ATP8B3: variants seen among roughly 807,000 people sequenced by gnomAD.
ATP8B3 encodes the protein ATPase phospholipid transporting 8B3.
ATP8B3 carries 141 observed loss-of-function variants against 140.9 expected under a neutral mutation model. That is an observed-to-expected ratio of 1.00 (90% CI 0.87 to 1.15). The LOEUF (loss-of-function observed/expected upper bound fraction) is 1.15. Ranked by LOEUF, ATP8B3 falls within the 50% of genes most tolerant of loss-of-function variation. ATP8B3 has a pLI of 0.00. For synonymous variants in ATP8B3, 765 were observed against 714.6 expected (o/e 1.07, Z -1.13); for missense variants, 1,874 against 1,740.6 (o/e 1.08, Z -1.36).
intron 14 of ATP8B3, among the ~76,000 whole-genome samples, chr19:1,797,419 C>T (rs1239629975): frequency 6.6e-6 from 1 of 152,088 alleles, no homozygotes; most frequent in South Asian, 2.1e-4. Flanking sequence ...CAGCCCCATC[C>T]GTGGGACACA....
rs1280072229 is a variant in ATP8B3 at position 1,805,263 on chromosome 19, C to G, written c.904+111G>C. 2.7e-6 allele frequency: 3 copies of G among 1,101,982 alleles called. No individual in the cohort carries two copies. In the Admixed American group the frequency reaches 6.0e-5, roughly 22 times the overall value. The allele number at this position is 1,101,982 out of a possible 1,614,324, so 68.3% of individuals were successfully genotyped here. A position where few individuals can be genotyped will look rare whatever the true frequency, so the allele number is the denominator to read the frequency against. Reference sequence around the variant, plus strand: ...GTGCTGGGATTCCAGGTGTGAGCCACTGGGCCTGGCCAGCACCTTGTTTTA... The same window carrying G: ...GTGCTGGGATTCCAGGTGTGAGCCAGTGGGCCTGGCCAGCACCTTGTTTTA... On this transcript the variant is annotated intron_variant, in intron 10 of 28. Transcript: ENST00000310127. This position sits in a 1 kb window ranked among gnomAD's most constrained non-coding sequence, Gnocchi z 5.2.
Position 1,806,249 on chromosome 19 carries a change from A to AC in ATP8B3, c.678-81dup. 6.5e-7 allele frequency: 1 copy of AC among 1,534,992 alleles called. No individual in the cohort carries two copies. Among genetic ancestry groups the AC allele is most frequent in the Non-Finnish European group, 8.7e-7 (1 of 1,143,336 alleles). ...ACCGGGAGACCAGAGGCACGGGATG[A>AC]CGGGGGGCCCGCAGCTGCAGTCCCC... On this transcript the variant is annotated intron_variant, in intron 7 of 28. Transcript: ENST00000310127. The surrounding 1 kb of genome is among the most constrained non-coding windows in gnomAD (Gnocchi z 5.6).
rs1334979847 is a variant in ATP8B3 at position 1,785,852 on chromosome 19, C to G, written c.3154-144G>C. On this transcript the variant is annotated intron_variant, in intron 25 of 28. Coordinates refer to ENST00000310127, the MANE Select transcript of ATP8B3 (RefSeq NM_138813.4). ...TAAGTGAGTTAAAATAAAGTAAGGC[C>G]AGGCACGGTGGCACACGCCTGTAAT... The G allele has an allele frequency of 3.6e-5, 34 of 944,462 alleles. No homozygotes were observed. The Admixed American group carries it at 9.3e-4, about 26-fold the overall frequency. The allele number at this position is 944,462 out of a possible 1,614,324, so 58.5% of individuals were successfully genotyped here.
intron 28 of ATP8B3, among the ~76,000 whole-genome samples, chr19:1,784,501 C>G (rs1472934330): frequency 6.6e-6 from 1 of 152,098 alleles, no homozygotes; most frequent in Non-Finnish European, 1.5e-5. Flanking sequence ...GGTGACAGCA[C>G]AAGACCCTTC....
intron 14 of ATP8B3, among the ~76,000 whole-genome samples, chr19:1,798,415 T>C (rs2145192851): frequency 6.6e-6 from 1 of 151,890 alleles, no homozygotes; most frequent in South Asian, 2.1e-4. Context: ...TTTTTAATGG[T>C]CAGGAAAAAA....
intron 24 of ATP8B3, among the ~76,000 whole-genome samples, 185 bp downstream of exon 24, chr19:1,788,712 G>A (rs530274872): frequency 2.1e-3 from 323 of 152,294 alleles, no homozygotes; most frequent in African/African-American, 6.5e-3. Flanking sequence ...GACAGGGACC[G>A]TCACCTCCCT....
Position 1,800,428 on chromosome 19 carries a change from C to A in ATP8B3, c.1174G>T (p.Val392Phe). The change falls in exon 13 of 29, where the codon GTC (valine) becomes TTC (phenylalanine). Residue 392 changes from valine to phenylalanine, a missense_variant. Physicochemically the swap from Val to Phe is conservative, Grantham distance 50 (BLOSUM62 -1). Around this residue, in one of 3 missense-constraint regions of ATP8B3, gnomAD observed 1,032 missense variants for 963.6 expected, o/e 1.07. Transcript: ENST00000310127. The surrounding 1 kb of genome is among the most constrained non-coding windows in gnomAD (Gnocchi z 4.4). ...AAGCCGAAGGCCAACACCAGGCAGACAAGCACCACGGAGATGAAGATCTGG... is the reference window on the plus strand; with the variant it reads ...AAGCCGAAGGCCAACACCAGGCAGAAAAGCACCACGGAGATGAAGATCTGG... ...VVVIFISVVL[V>F]CLVLAFGFGF... 1 of 1,585,390 alleles carries A rather than the reference C, an allele frequency of 6.3e-7. No homozygotes were observed. Among genetic ancestry groups the A allele is most frequent in the African/African-American group, 1.3e-5 (1 of 74,270 alleles).
chr19:1,808,582 G>A (rs1301907344), intron 4 of ATP8B3, among the ~76,000 whole-genome samples: 5 of 152,148 alleles, frequency 3.3e-5, no homozygotes, highest in Non-Finnish European at 5.9e-5. Flanking sequence ...CTGAGCACCT[G>A]CTGAATGCAA....
rs893579582 is a variant in ATP8B3, at chr19:1,790,747, C to T, written c.2378+10G>A. ...TCCCCTTGCTCACCCCCCAACTCCC[C>T]ACTTCTTACCTAATCTCCTTCTCCT... On this transcript the variant is annotated intron_variant, in intron 21 of 28. Coordinates refer to ENST00000310127, the MANE Select transcript of ATP8B3 (RefSeq NM_138813.4). 11 of 1,594,502 alleles carry T rather than the reference C, an allele frequency of 6.9e-6. No individual in the cohort carries two copies. The highest frequency in any genetic ancestry group is 9.4e-6 in the Non-Finnish European group (11 of 1,172,146).
At chr19:1,793,540 CCCT>C (rs889457522) in intron 18 of ATP8B3, among the ~76,000 whole-genome samples, 2 of 152,164 alleles carry the variant, frequency 1.3e-5, no homozygotes, top group African/African-American at 4.8e-5. Context: ...TTCCTTGGGC[CCCT>C]CATTTCTCAA....
At chr19:1,808,166 C>T in intron 5 of ATP8B3, 56 bp downstream of exon 5, 2 of 1,403,474 alleles carry the variant, frequency 1.4e-6, no homozygotes, top group Non-Finnish European at 2.0e-6. Flanking sequence ...CAGACAAACA[C>T]ATCGATGCTG....
intron 12 of ATP8B3, among the ~76,000 whole-genome samples, chr19:1,801,744 C>T (rs552899936): frequency 1.1e-4 from 17 of 152,038 alleles, no homozygotes; most frequent in African/African-American, 4.1e-4. Flanking sequence ...GAGTGAGACT[C>T]CATCTCTAAA....
Position 1,803,684 on chromosome 19 carries a change from G to A in ATP8B3, c.905-1039C>T, listed in dbSNP as rs146599609. Among the ~76,000 whole-genome samples the A allele has an allele frequency of 7.0e-3, 1,060 of 152,230 alleles. 5 individuals are homozygous for A. The highest frequency in any genetic ancestry group is 0.014 in the Middle Eastern group (4 of 294). On this transcript the variant is annotated intron_variant, in intron 10 of 28. Transcript: ENST00000310127. Reference sequence around the variant, plus strand: ...GGCCGAGGCGGGTGGATCACCTGAGGTCAGGAGTTCGAGACCAGCCTCACC... The same window carrying A: ...GGCCGAGGCGGGTGGATCACCTGAGATCAGGAGTTCGAGACCAGCCTCACC...
Position 1,807,141 on chromosome 19 carries a change from C to T in ATP8B3, c.615+27G>A, listed in dbSNP as rs373801615. ...CCCCGACCGGCCCCGCTCCCTCCCC[C>T]AGGCAGCTGCATCCAACAGCACTCA... On this transcript the variant is annotated intron_variant, in intron 6 of 28. Transcript: ENST00000310127. This position sits in a 1 kb window ranked among gnomAD's most constrained non-coding sequence, Gnocchi z 5.9. The T allele has an allele frequency of 2.7e-4, 425 of 1,596,614 alleles. No individual in the cohort carries two copies. The African/African-American group carries it at 5.2e-3, about 19-fold the overall frequency.
At chr19:1,804,803 T>C (rs2068962469) in intron 10 of ATP8B3, among the ~76,000 whole-genome samples, 1 of 152,006 alleles carries the variant, frequency 6.6e-6, no homozygotes, top group Admixed American at 6.6e-5. Context: ...CGAAACTCCG[T>C]CTCAAAAAAA....
Position 1,785,074 on chromosome 19 carries a change from C to T in ATP8B3, c.3532+85G>A, listed in dbSNP as rs560654004. 14 of 1,482,224 alleles carry T rather than the reference C, an allele frequency of 9.4e-6. No individual in the cohort carries two copies. In the East Asian group the frequency reaches 9.8e-5, roughly 10 times the overall value. 91.8% of individuals were successfully genotyped at this position (1,482,224 alleles called of 1,614,324 possible). A position where few individuals can be genotyped will look rare whatever the true frequency, so the allele number is the denominator to read the frequency against. On this transcript the variant is annotated intron_variant, in intron 27 of 28. Transcript: ENST00000310127. ...GCCTTCCCCAGGACACTTTGCCGGA[C>T]GACTGTCATGAGCAACCTGCAACCT...
In ATP8B3 at chr19:1,794,139, T is replaced by C. The variant is rs1285043176; in HGVS notation, c.2055+1736A>G. On this transcript the variant is annotated intron_variant, in intron 18 of 28. Coordinates refer to ENST00000310127, the MANE Select transcript of ATP8B3 (RefSeq NM_138813.4). This position sits in a 1 kb window ranked among gnomAD's most constrained non-coding sequence, Gnocchi z 4.8. ...ACCTCCTGCACTCAAGCGATCCTCCTGCCTCAGGCTCCCAAAGTGCTGGGA... is the reference window on the plus strand; with the variant it reads ...ACCTCCTGCACTCAAGCGATCCTCCCGCCTCAGGCTCCCAAAGTGCTGGGA... 6.6e-6 allele frequency among the ~76,000 whole-genome samples: 1 copy of C among 152,222 alleles called. No homozygotes were observed. Among genetic ancestry groups the C allele is most frequent in the Non-Finnish European group, 1.5e-5 (1 of 68,022 alleles).
chr19:1,807,117 C>T lies in ATP8B3; in HGVS notation c.615+51G>A. On this transcript the variant is annotated intron_variant, in intron 6 of 28. Transcript: ENST00000310127. The surrounding 1 kb of genome is among the most constrained non-coding windows in gnomAD (Gnocchi z 5.9). ...TCTCGCCCAGGGATCAAGAGACCCC[C>T]CCGACCGGCCCCGCTCCCTCCCCCA... 2.6e-6 allele frequency: 4 copies of T among 1,523,784 alleles called. No individual in the cohort carries two copies. Among genetic ancestry groups the T allele is most frequent in the African/African-American group, 1.4e-5 (1 of 73,102 alleles). 94.4% of individuals were successfully genotyped at this position (1,523,784 alleles called of 1,614,324 possible).
Position 1,789,520 on chromosome 19 carries a change from C to T in ATP8B3, c.2686G>A (p.Glu896Lys). The T allele has an allele frequency of 6.3e-7, 1 of 1,598,360 alleles. No individual in the cohort carries two copies. Among genetic ancestry groups the T allele is most frequent in the Non-Finnish European group, 8.5e-7 (1 of 1,178,972 alleles). ...RARRSSEVLQERAFVDLASKC... is the reference protein window; with the variant it reads ...RARRSSEVLQKRAFVDLASKC... ...GACGCCAGGTCCACGAAGGCGCGCT[C>T]CTGCAGCACCTCGGAGCTACGGCGG... Residue 896 changes from glutamate (E) to lysine (K), a missense_variant, in exon 23 of 29, where the codon GAG becomes AAG. Around this residue, in one of 3 missense-constraint regions of ATP8B3, gnomAD observed 840 missense variants for 760.9 expected, o/e 1.10. Coordinates refer to ENST00000310127, the MANE Select transcript of ATP8B3 (RefSeq NM_138813.4).
Sources: gnomAD v4.1 joint callset for allele counts (sites outside exome capture counted in the v4.1 genomes callset) on GRCh38, gnomAD v4.1.1 for gene constraint, gnomAD v4.1.1 regional missense constraint, Gnocchi (gnomAD v3.1) non-coding constraint, MANE v1.5 for transcripts, NCBI Gene and HGNC (gene_info 2026-07-23, HGNC 2026-07-21) for gene names.